Variants in CYBC1 observed in about 807,000 individuals in gnomAD.
The protein encoded by CYBC1 is cytochrome b-245 chaperone 1, also known as essential for reactive oxygen species protein.
In CYBC1, 22 loss-of-function variants were observed where a neutral mutation model predicts 21.7. The observed-to-expected ratio is 1.02, with a 90% confidence interval of 0.73 to 1.45. CYBC1 has a LOEUF of 1.45. Among genes scored for constraint, CYBC1 ranks in the 40% most tolerant of loss-of-function variants. The probability of loss-of-function intolerance (pLI) is 0.00; values close to 1 mark genes in which losing one functional copy is unlikely to be tolerated. For missense variants in CYBC1, 237 were observed against 242.1 expected (o/e 0.98, Z 0.14); for synonymous variants, 112 against 98.7 (o/e 1.13, Z -0.80).
In CYBC1 at chr17:82,443,678, G is replaced by T; in HGVS notation, c.*326C>A. On this transcript the variant is annotated 3_prime_UTR_variant, in exon 7 of 7. Coordinates refer to ENST00000306645, the MANE Select transcript of CYBC1 (RefSeq NM_001033046.4). The surrounding 1 kb of genome is among the most constrained non-coding windows in gnomAD (Gnocchi z 6.7). Reference sequence around the variant, plus strand: ...CGATGGAGAAAGTCTGGATGTCCTGGTCTGGCCTGCTGTTTCATGCAGTGT... The same window carrying T: ...CGATGGAGAAAGTCTGGATGTCCTGTTCTGGCCTGCTGTTTCATGCAGTGT... 1 of 768,648 alleles carries T rather than the reference G, an allele frequency of 1.3e-6. No homozygotes were observed. Among genetic ancestry groups the T allele is most frequent in the Non-Finnish European group, 2.4e-6 (1 of 421,192 alleles). 47.6% of individuals were successfully genotyped at this position (768,648 alleles called of 1,614,324 possible). A position where few individuals can be genotyped will look rare whatever the true frequency, so the allele number is the denominator to read the frequency against.
chr17:82,447,932 A>C, intron 2 of CYBC1: 1 of 527,746 alleles, frequency 1.9e-6, no homozygotes, highest in Non-Finnish European at 3.4e-6. Context: ...TCATTACTAA[A>C]GAAAACAAAA....
Position 82,449,181 on chromosome 17 carries a change from G to C in CYBC1, c.74C>G (p.Ser25Cys). 6.3e-7 allele frequency: 1 copy of C among 1,577,924 alleles called. No individual in the cohort carries two copies. The highest frequency in any genetic ancestry group is 8.6e-7 in the Non-Finnish European group (1 of 1,162,548). The change falls in exon 2 of 7, where the codon TCC (serine) becomes TGC (cysteine). Residue 25 changes from serine (S) to cysteine (C), a missense_variant. By Grantham distance (112) the Ser-to-Cys change is moderately radical. Transcript: ENST00000306645. ...GTGGAGAGCCTTACCAACCAGCAGG[G>C]ACCAGGACCGGATGCCTGGAGCCCT... The part of the protein sequence containing the change: ...LKRAPGIRSW[S>C]LLVGILSIGL...
chr17:82,446,057 A>C, intron 4 of CYBC1, 97 bp from the exon 5 acceptor site: 8 of 916,544 alleles, frequency 8.7e-6, no homozygotes, highest in Non-Finnish European at 1.2e-5. Context: ...GTGGACACTC[A>C]AGAAGGGGGG....
At chr17:82,447,772 G>A in intron 2 of CYBC1, 151 bp from the exon 3 acceptor site, 1 of 715,086 alleles carries the variant, frequency 1.4e-6, no homozygotes, top group Non-Finnish European at 2.4e-6. Context: ...CAGGTTCAGA[G>A]TAGGGGAAAC....
At chr17:82,444,347 T>G in intron 6 of CYBC1, 100 bp downstream of exon 6, 2 of 1,509,884 alleles carry the variant, frequency 1.3e-6, no homozygotes, top group South Asian at 2.5e-5. Context: ...GTCCACAAAC[T>G]CATCTCCTCT....
At chr17:82,445,705 C>A in intron 5 of CYBC1, 159 bp downstream of exon 5, 2 of 584,106 alleles carry the variant, frequency 3.4e-6, no homozygotes, top group Non-Finnish European at 6.1e-6. Flanking sequence ...TCCGTGGGAT[C>A]CTGCTTCCAG....
Position 82,446,663 on chromosome 17 carries a change from C to T in CYBC1, c.161G>A (p.Gly54Asp), listed in dbSNP as rs1192024685. The T allele has an allele frequency of 2.5e-6, 4 of 1,614,004 alleles. No homozygotes were observed. Among genetic ancestry groups the T allele is most frequent in the Non-Finnish European group, 3.4e-6 (4 of 1,180,022 alleles). The stretch of plus-strand genomic sequence containing the variant: ...GTTCTGCACAGCCACAAACAGGCAG[C>T]CTGTGACGTAGAAGAGCTTCCAGCC... ...SLGWKLFYVTGCLFVAVQNLE... is the reference protein window; with the variant it reads ...SLGWKLFYVTDCLFVAVQNLE... The change falls in exon 4 of 7, where the codon GGC becomes GAC. Residue 54 changes from glycine to aspartate, a missense_variant. By Grantham distance (94) the Gly-to-Asp change is moderately conservative (BLOSUM62 -1). Coordinates refer to ENST00000306645, the MANE Select transcript of CYBC1 (RefSeq NM_001033046.4).
intron 1 of CYBC1, chr17:82,450,234 A>G (rs899251076): frequency 6.6e-5 from 10 of 150,448 alleles, no homozygotes; most frequent in Non-Finnish European, 1.0e-4. Context: ...GTGAGCAGAA[A>G]TCGTGCCACT....
chr17:82,449,070 G>A (rs1199655750), intron 2 of CYBC1, 100 bp downstream of exon 2: 8 of 943,202 alleles, frequency 8.5e-6, no homozygotes, highest in African/African-American at 6.8e-5. Flanking sequence ...TAGATTTCAA[G>A]GTAATAGAAA....
rs2054081611 is a variant in CYBC1 at position 82,443,355 on chromosome 17, C to A, written c.*649G>T. 1 of 455,690 alleles carries A rather than the reference C, an allele frequency of 2.2e-6. No individual in the cohort carries two copies. The highest frequency in any genetic ancestry group is 2.0e-5 in the African/African-American group (1 of 50,602). 28.2% of individuals were successfully genotyped at this position (455,690 alleles called of 1,614,324 possible). The stretch of plus-strand genomic sequence containing the variant: ...GGCAGAGTGGTCTATGCGCCGAGAT[C>A]CTGGCATCAGCAAGGGAGGCGGGTC... On this transcript the variant is annotated 3_prime_UTR_variant, in exon 7 of 7. Transcript: ENST00000306645. This position sits in a 1 kb window ranked among gnomAD's most constrained non-coding sequence, Gnocchi z 6.7.
In CYBC1 at chr17:82,448,078, G is replaced by A. The variant is rs1385983734; in HGVS notation, c.86-457C>T. On this transcript the variant is annotated intron_variant, in intron 2 of 6. Coordinates refer to ENST00000306645, the MANE Select transcript of CYBC1 (RefSeq NM_001033046.4). The stretch of plus-strand genomic sequence containing the variant: ...GTGCACAAAGAAATTACAACACAGC[G>A]TGTCATGCAAAACACACAGGAGGCT... The A allele has an allele frequency of 2.9e-5, 7 of 241,202 alleles. No homozygotes were observed. In the East Asian group the frequency reaches 4.8e-4, roughly 17 times the overall value. The allele number at this position is 241,202 out of a possible 1,614,324, so 14.9% of individuals were successfully genotyped here.
rs770787192 is a variant in CYBC1 at position 82,446,632 on chromosome 17, C to T, written c.192G>A (p.Glu64=). 2.5e-6 allele frequency: 4 copies of T among 1,614,136 alleles called. No individual in the cohort carries two copies. The highest frequency in any genetic ancestry group is 2.7e-5 in the African/African-American group (2 of 75,074). The change falls in exon 4 of 7, where the codon GAG becomes GAA. Residue 64 remains glutamate (E), a synonymous_variant. Transcript: ENST00000306645. The part of the protein sequence containing the change: ...GCLFVAVQNL[E]DWEEAIFDKS... ...CCCGAGCCGGCCTTACCTCCCAGTC[C>T]TCCAAGTTCTGCACAGCCACAAACA...
rs530813836 is a variant in CYBC1, at chr17:82,442,814, G to A, written c.*1190C>T. ...CTACCCAGCCATTCCTGGGCCTGCC[G>A]CCTAGGGGCTCACAGGGCCCAGGAG... On this transcript the variant is annotated 3_prime_UTR_variant, in exon 7 of 7. Transcript: ENST00000306645. This position sits in a 1 kb window ranked among gnomAD's most constrained non-coding sequence, Gnocchi z 6.8. 5 of 512,952 alleles carry A rather than the reference G, an allele frequency of 9.7e-6. No homozygotes were observed. In the South Asian group the frequency reaches 1.5e-4, roughly 15 times the overall value. The allele number at this position is 512,952 out of a possible 1,614,324, so 31.8% of individuals were successfully genotyped here.
Position 82,444,033 on chromosome 17 carries a change from C to T in CYBC1, c.535G>A (p.Glu179Lys). ...CTCTGGCTTGCAGGGTCACCGGCCTCACTGTCGCTGCTCTGAGACAGCTCT... is the reference window on the plus strand; with the variant it reads ...CTCTGGCTTGCAGGGTCACCGGCCTTACTGTCGCTGCTCTGAGACAGCTCT... Reference protein sequence around the residue: ...PTELSQSSDSEAGDPASQS With the variant: ...PTELSQSSDSKAGDPASQS The change falls in exon 7 of 7, where the codon GAG becomes AAG. Residue 179 changes from glutamate to lysine, a missense_variant. Transcript: ENST00000306645. 1 of 1,613,394 alleles carries T rather than the reference C, an allele frequency of 6.2e-7. No individual in the cohort carries two copies. The highest frequency in any genetic ancestry group is 1.1e-5 in the South Asian group (1 of 91,068).
Position 82,443,585 on chromosome 17 carries a change from C to A in CYBC1, c.*419G>T. 1 of 704,044 alleles carries A rather than the reference C, an allele frequency of 1.4e-6. No individual in the cohort carries two copies. Among genetic ancestry groups the A allele is most frequent in the East Asian group, 2.7e-5 (1 of 37,310 alleles). 43.6% of individuals were successfully genotyped at this position (704,044 alleles called of 1,614,324 possible). ...GCCTCTCCACTCGCCCGAGGTCTTG[C>A]TGTGGCCCAAAGCAGGAGTCCAGGG... On this transcript the variant is annotated 3_prime_UTR_variant, in exon 7 of 7. Coordinates refer to ENST00000306645, the MANE Select transcript of CYBC1 (RefSeq NM_001033046.4). The surrounding 1 kb of genome is among the most constrained non-coding windows in gnomAD (Gnocchi z 6.7).
chr17:82,443,736 C>T lies in CYBC1; in HGVS notation c.*268G>A, dbSNP rs760708565. 1.5e-5 allele frequency: 12 copies of T among 826,088 alleles called. No individual in the cohort carries two copies. In the Admixed American group the frequency reaches 1.9e-4, roughly 13 times the overall value. 51.2% of individuals were successfully genotyped at this position (826,088 alleles called of 1,614,324 possible). A position where few individuals can be genotyped will look rare whatever the true frequency, so the allele number is the denominator to read the frequency against. On this transcript the variant is annotated 3_prime_UTR_variant, in exon 7 of 7. Coordinates refer to ENST00000306645, the MANE Select transcript of CYBC1 (RefSeq NM_001033046.4). The surrounding 1 kb of genome is among the most constrained non-coding windows in gnomAD (Gnocchi z 6.7). Reference sequence around the variant, plus strand: ...GCAGCATGAGCAGGCAATAGGCCAACTCGGCTGGAGGCACCAACTGAAGCC... The same window carrying T: ...GCAGCATGAGCAGGCAATAGGCCAATTCGGCTGGAGGCACCAACTGAAGCC...
In CYBC1 at chr17:82,442,842, C is replaced by T. The variant is rs1419549921; in HGVS notation, c.*1162G>A. On this transcript the variant is annotated 3_prime_UTR_variant, in exon 7 of 7. Transcript: ENST00000306645. The surrounding 1 kb of genome is among the most constrained non-coding windows in gnomAD (Gnocchi z 6.8). ...TAGGGGCTCACAGGGCCCAGGAGTC[C>T]CCAGCTCACAGGCCAGGGCATCAGG... The T allele has an allele frequency of 4.4e-6, 2 of 456,534 alleles. No homozygotes were observed. Among genetic ancestry groups the T allele is most frequent in the Non-Finnish European group, 7.8e-6 (2 of 254,826 alleles). 28.3% of individuals were successfully genotyped at this position (456,534 alleles called of 1,614,324 possible). A position where few individuals can be genotyped will look rare whatever the true frequency, so the allele number is the denominator to read the frequency against.
At chr17:82,446,059 G>C (rs1346345517) in intron 4 of CYBC1, 99 bp from the exon 5 acceptor site, 1 of 918,680 alleles carries the variant, frequency 1.1e-6, no homozygotes, top group East Asian at 2.6e-5. Context: ...GGACACTCAA[G>C]AAGGGGGGCT....
rs1054402891 is a variant in CYBC1 at position 82,443,749 on chromosome 17, A to G, written c.*255T>C. The G allele has an allele frequency of 1.0e-5, 9 of 886,640 alleles. No individual in the cohort carries two copies. The highest frequency in any genetic ancestry group is 1.5e-5 in the Non-Finnish European group (8 of 529,474). The allele number at this position is 886,640 out of a possible 1,614,324, so 54.9% of individuals were successfully genotyped here. On this transcript the variant is annotated 3_prime_UTR_variant, in exon 7 of 7. Transcript: ENST00000306645. This position sits in a 1 kb window ranked among gnomAD's most constrained non-coding sequence, Gnocchi z 6.7. ...GCAATAGGCCAACTCGGCTGGAGGC[A>G]CCAACTGAAGCCAAGGCCACGGGTC...
Sources: gnomAD v4.1 joint callset for allele counts on GRCh38, gnomAD v4.1.1 for gene constraint, Gnocchi (gnomAD v3.1) non-coding constraint, MANE v1.5 for transcripts, NCBI Gene and HGNC (gene_info 2026-07-23, HGNC 2026-07-21) for gene names.